ABCC6: variants seen among roughly 807,000 people sequenced by gnomAD.
The protein encoded by ABCC6 is ATP-binding cassette sub-family C member 6.
ABCC6 carries 126 observed loss-of-function variants against 169.5 expected under a neutral mutation model. That is an observed-to-expected ratio of 0.74 (90% CI 0.64 to 0.86). The LOEUF (loss-of-function observed/expected upper bound fraction) is 0.86. Ranked by LOEUF, ABCC6 falls within the 40% of genes least tolerant of loss-of-function variation. The pLI, the probability that ABCC6 is intolerant of heterozygous loss-of-function variation, is 0.00. For synonymous variants in ABCC6, 752 were observed against 814.7 expected (o/e 0.92, Z 1.31); for missense variants, 1,733 against 1,927.2 (o/e 0.90, Z 1.89).
chr16:16,176,621 A>T (rs371103287), intron 19 of ABCC6, among the ~76,000 whole-genome samples: 1 of 152,256 alleles, frequency 6.6e-6, no homozygotes, highest in African/African-American at 2.4e-5. Context: ...TGCTAAGCAG[A>T]TGTTCTCAGA....
chr16:16,200,765 G>A (rs1288387845), intron 9 of ABCC6, among the ~76,000 whole-genome samples: 5 of 151,500 alleles, frequency 3.3e-5, no homozygotes, highest in Admixed American at 3.3e-4. Context: ...TACATGGGAC[G>A]GGACCTGCCC....
chr16:16,174,760 A>AGCC (rs1555511582), intron 20 of ABCC6, among the ~76,000 whole-genome samples: 1 of 94,634 alleles, frequency 1.1e-5, no homozygotes, highest in Non-Finnish European at 2.2e-5. Flanking sequence ...CTGTCTCAAA[A>AGCC]CCCCCCCCCG....
At chr16:16,197,718 A>AG (rs571236451) in intron 10 of ABCC6, among the ~76,000 whole-genome samples, 1 of 34,430 alleles carries the variant, frequency 2.9e-5, no homozygotes, top group African/African-American at 1.3e-4. Context: ...GTGCAAGAGG[A>AG]GGGGGGCAGG....
intron 11 of ABCC6, among the ~76,000 whole-genome samples, chr16:16,191,655 T>TC (rs1219920301): frequency 2.1e-5 from 3 of 143,518 alleles, no homozygotes; most frequent in African/African-American, 7.7e-5. Flanking sequence ...TTTATTTCCT[T>TC]CCCTCCCTCC....
chr16:16,161,416 A>G (rs1257407244), intron 25 of ABCC6, 22 bp downstream of exon 25: 7 of 1,613,584 alleles, frequency 4.3e-6, no homozygotes, highest in Non-Finnish European at 5.9e-6. Context: ...CCTCAAGCCC[A>G]GTTTGGGGAT....
chr16:16,187,140 T>G lies in ABCC6; in HGVS notation c.1851A>C (p.Ser617=), dbSNP rs2047676122. ...AGCACTCACCGCTTCCAGAGGAACT[T>G]GAGTCTACGACACCAGGGTCAACTT... The part of the protein sequence containing the change: ...LEEVDPGVVD[S]SSSGSAAGKD... Residue 617 remains serine (S), a synonymous_variant, in exon 14 of 31, where the codon TCA becomes TCC. Coordinates refer to ENST00000205557, the MANE Select transcript of ABCC6 (RefSeq NM_001171.6). The G allele has an allele frequency of 6.2e-7, 1 of 1,613,454 alleles. No homozygotes were observed. Among genetic ancestry groups the G allele is most frequent in the African/African-American group, 1.3e-5 (1 of 74,882 alleles).
Position 16,221,356 on chromosome 16 carries a change from A to G in ABCC6, c.219+293T>C, listed in dbSNP as rs371073711. 26 of 1,421,938 alleles carry G rather than the reference A, an allele frequency of 1.8e-5. 1 individual carries two copies. The Admixed American group carries it at 6.8e-4, about 37-fold the overall frequency. The allele number at this position is 1,421,938 out of a possible 1,614,324, so 88.1% of individuals were successfully genotyped here. A position where few individuals can be genotyped will look rare whatever the true frequency, so the allele number is the denominator to read the frequency against. On this transcript the variant is annotated intron_variant, in intron 2 of 30. Coordinates refer to ENST00000205557, the MANE Select transcript of ABCC6 (RefSeq NM_001171.6). ...TTACCTTGTGTATCCAAGAGTCTAC[A>G]TGGTATGTTTTGGAAAATGCCAGGT... is the stretch of plus-strand genomic sequence containing the variant.
At position 16,155,013 on chromosome 16, in the gene ABCC6, T is replaced by A; in HGVS notation, c.3901A>T (p.Thr1301Ser). 6.4e-7 allele frequency: 1 copy of A among 1,560,196 alleles called. No individual in the cohort carries two copies. The highest frequency in any genetic ancestry group is 8.7e-7 in the Non-Finnish European group (1 of 1,152,720). The change falls in exon 28 of 31, where the codon ACC becomes TCC. Residue 1301 changes from threonine (T) to serine (S), a missense_variant. Thr to Ser is a moderately conservative substitution (Grantham distance 58). This residue lies in a region of ABCC6 where 1,601 missense variants were observed against 1,635.5 expected (regional missense o/e 0.98). Coordinates refer to ENST00000205557, the MANE Select transcript of ABCC6 (RefSeq NM_001171.6). ...AGEKVGIVGR[T>S]GAGKSSLASG... Reference sequence around the variant, plus strand: ...GCCAGGGAGGACTTCCCTGCCCCGGTCCTGCCAACGATGCCCACCTGCCCG... The same window carrying A: ...GCCAGGGAGGACTTCCCTGCCCCGGACCTGCCAACGATGCCCACCTGCCCG...
chr16:16,182,272 G>A (rs1596655827), intron 17 of ABCC6, 140 bp downstream of exon 17: 6 of 1,057,390 alleles, frequency 5.7e-6, no homozygotes, highest in East Asian at 2.4e-5. Context: ...CGTGCTTGAC[G>A]CTGAGCTGAG....
intron 1 of ABCC6, among the ~76,000 whole-genome samples, chr16:16,222,108 A>G (rs1255426881): frequency 3.9e-5 from 6 of 152,124 alleles, no homozygotes; most frequent in Non-Finnish European, 8.8e-5. Flanking sequence ...CTGGGATTTG[A>G]ACCCAGGGAA....
rs1413781077 is a variant in ABCC6, at chr16:16,187,205, C to T, written c.1786G>A (p.Val596Met). 2.5e-6 allele frequency: 4 copies of T among 1,613,444 alleles called. No homozygotes were observed. Among genetic ancestry groups the T allele is most frequent in the Middle Eastern group, 1.7e-4 (1 of 6,060 alleles). The change falls in exon 14 of 31, where the codon GTG becomes ATG. Residue 596 changes from valine (V) to methionine (M), a missense_variant. Around this residue, in one of 5 missense-constraint regions of ABCC6, gnomAD observed 1,601 missense variants for 1,635.5 expected, o/e 0.98. Transcript: ENST00000205557. Reference protein sequence around the residue: ...FSIHSLVQARVSFDRLVTFLC... With the variant: ...FSIHSLVQARMSFDRLVTFLC... Reference sequence around the variant, plus strand: ...AAGGTGACCAGACGGTCAAAGGACACCCGGGCCTAGGAAAACCGAAGCCGC... The same window carrying T: ...AAGGTGACCAGACGGTCAAAGGACATCCGGGCCTAGGAAAACCGAAGCCGC...
At chr16:16,189,016 C>T (rs984835024) in intron 12 of ABCC6, 42 bp from the exon 13 acceptor site, 2 of 1,610,256 alleles carry the variant, frequency 1.2e-6, no homozygotes, top group South Asian at 2.2e-5. Flanking sequence ...GTGAGACACG[C>T]AAGCATGGAT....
Position 16,221,701 on chromosome 16 carries a change from T to C in ABCC6, c.167A>G (p.His56Arg), listed in dbSNP as rs367832780. ...CCGGAGGTAGCCCCGGCCATGGTGGTGGATGAAGAGGAGGTAGATGGGACC... is the reference window on the plus strand; with the variant it reads ...CCGGAGGTAGCCCCGGCCATGGTGGCGGATGAAGAGGAGGTAGATGGGACC... ...VLGPIYLLFI[H>R]HHGRGYLRMS... is the part of the protein sequence containing the mutation. Residue 56 changes from histidine (H) to arginine (R), a missense_variant, in exon 2 of 31, where the codon CAC (histidine) becomes CGC (arginine). Physicochemically the swap from His to Arg is conservative, Grantham distance 29. Transcript: ENST00000205557. The C allele has an allele frequency of 8.6e-5, 138 of 1,613,664 alleles. No individual in the cohort carries two copies. Among genetic ancestry groups the C allele is most frequent in the Admixed American group, 1.7e-5 (1 of 59,958 alleles).
In ABCC6 at chr16:16,149,987, C is replaced by G. The variant is rs1222479052; in HGVS notation, c.*146G>C. On this transcript the variant is annotated 3_prime_UTR_variant, in exon 31 of 31. Transcript: ENST00000205557. The stretch of plus-strand genomic sequence containing the variant: ...TCTGATGCTCTGTGATAATTGGCCA[C>G]TTTCTCTGCCATTTTCCTCCCAGAG... The G allele has an allele frequency of 2.3e-6, 3 of 1,300,116 alleles. No homozygotes were observed. The highest frequency in any genetic ancestry group is 3.2e-6 in the Non-Finnish European group (3 of 923,990). The allele number at this position is 1,300,116 out of a possible 1,614,324, so 80.5% of individuals were successfully genotyped here. A position where few individuals can be genotyped will look rare whatever the true frequency, so the allele number is the denominator to read the frequency against.
In ABCC6 at chr16:16,154,574, G is replaced by A. The variant is rs2046478897; in HGVS notation, c.4208+54C>T. ...TCCTGAAGGCCCTTGGGGAGGGCAT[G>A]GCCATCCCCTCCTCTCCCACCTGCA... On this transcript the variant is annotated intron_variant, in intron 29 of 30. Transcript: ENST00000205557. The A allele has an allele frequency of 5.0e-6, 8 of 1,608,096 alleles. No individual in the cohort carries two copies. The East Asian group carries it at 1.8e-4, about 36-fold the overall frequency.
At chr16:16,153,778 C>G (rs890975119) in intron 29 of ABCC6, among the ~76,000 whole-genome samples, 3 of 151,792 alleles carry the variant, frequency 2.0e-5, no homozygotes, top group Non-Finnish European at 2.9e-5. Context: ...GTGGCTCACA[C>G]CTGTAACCCC....
In ABCC6 at chr16:16,151,913, C is replaced by T. The variant is rs571842888; in HGVS notation, c.4209-1141G>A. 1.2e-4 allele frequency among the ~76,000 whole-genome samples: 18 copies of T among 151,994 alleles called. No homozygotes were observed. In the East Asian group the frequency reaches 3.1e-3, roughly 26 times the overall value. On this transcript the variant is annotated intron_variant, in intron 29 of 30. Transcript: ENST00000205557. The stretch of plus-strand genomic sequence containing the variant: ...ATGGCACATAAAAGTGTGTGGGTGG[C>T]GGGGCACGGCGGCTCACACCTGTAA...
chr16:16,176,060 T>G, intron 19 of ABCC6, 74 bp from the exon 20 acceptor site: 1 of 1,429,596 alleles, frequency 7.0e-7, no homozygotes, highest in South Asian at 1.1e-5. Context: ...CTATGTGGCC[T>G]TAACCGCTCT....
At chr16:16,154,197 T>C (rs1450313648) in intron 29 of ABCC6, among the ~76,000 whole-genome samples, 1 of 151,940 alleles carries the variant, frequency 6.6e-6, no homozygotes, top group Non-Finnish European at 1.5e-5. Flanking sequence ...TCCTCCTCTC[T>C]CAGCCTCCTG....
Sources: allele counts gnomAD v4.1 joint callset (sites outside exome capture counted in the v4.1 genomes callset), GRCh38; gene constraint gnomAD v4.1.1; regional missense constraint gnomAD v4.1.1; transcripts MANE v1.5; gene names NCBI Gene and HGNC (gene_info 2026-07-23, HGNC 2026-07-21).